PEX14: variants seen among roughly 807,000 people sequenced by gnomAD.
PEX14 encodes the protein peroxisomal membrane protein PEX14.
Under a neutral mutation model 49.5 loss-of-function variants are expected in PEX14, and 15 were observed. The observed-to-expected ratio is 0.30, with a 90% CI of 0.20 to 0.47. PEX14 has a LOEUF of 0.47. PEX14 is among the 20% of genes least tolerant of loss of function. The pLI, the probability that PEX14 is intolerant of heterozygous loss-of-function variation, is 1.00. For synonymous variants in PEX14, 210 were observed against 212.7 expected (o/e 0.99, Z 0.11); for missense variants, 398 against 494.8 (o/e 0.80, Z 1.86).
chr1:10,618,218 ACTTGCC>A (rs1557432796), intron 4 of PEX14, 108 bp from the exon 5 acceptor site: 2 of 760,730 alleles, frequency 2.6e-6, no homozygotes, highest in Non-Finnish European at 4.7e-6. Flanking sequence ...GGAGTGTTCC[ACTTGCC>A]CATTGTTGGA....
At chr1:10,483,315 G>A (rs1326129033) in intron 1 of PEX14, among the ~76,000 whole-genome samples, 1 of 151,848 alleles carries the variant, frequency 6.6e-6, no homozygotes, top group Non-Finnish European at 1.5e-5. Context: ...ACATGGCCAA[G>A]TTTTTCTTTT....
chr1:10,552,684 G>A (rs901003782), intron 3 of PEX14, among the ~76,000 whole-genome samples: 3 of 152,154 alleles, frequency 2.0e-5, no homozygotes, highest in Admixed American at 2.0e-4. Flanking sequence ...GTTTAGTGGG[G>A]TTCCATGATA....
At chr1:10,559,944 GT>G (rs1188864075) in intron 3 of PEX14, among the ~76,000 whole-genome samples, 2 of 152,142 alleles carry the variant, frequency 1.3e-5, no homozygotes, top group Non-Finnish European at 2.9e-5. Context: ...TAAGATTCCA[GT>G]TCTGCTTTCG....
intron 2 of PEX14, among the ~76,000 whole-genome samples, chr1:10,497,658 C>T (rs1641593835): frequency 6.6e-6 from 1 of 152,108 alleles, no homozygotes; most frequent in South Asian, 2.1e-4. Context: ...AGAAGAGAGC[C>T]CCAAGTTATT....
intron 4 of PEX14, among the ~76,000 whole-genome samples, chr1:10,608,990 A>G (rs543517344): frequency 4.6e-5 from 7 of 152,322 alleles, no homozygotes; most frequent in Non-Finnish European, 7.3e-5. Context: ...TTTTCTGGAC[A>G]TTTCAGGTAA....
At chr1:10,595,855 C>T (rs976154617) in intron 3 of PEX14, among the ~76,000 whole-genome samples, 8 of 25,086 alleles carry the variant, frequency 3.2e-4, no homozygotes, top group Non-Finnish European at 5.3e-4. Context: ...TGGTAAACAA[C>T]GCAAAGAAGA....
At position 10,510,504 on chromosome 1, in the gene PEX14, C is replaced by T. The variant is rs72869159; in HGVS notation, c.84+15183C>T. On this transcript the variant is annotated intron_variant, in intron 2 of 8. Coordinates refer to ENST00000356607, the MANE Select transcript of PEX14 (RefSeq NM_004565.3). ...CTCTGGCATGGAGAAGGAAAAGTCC[C>T]ATTTCCTGCTAGGCTGCCAGGCACT... Among the ~76,000 whole-genome samples, 1,132 of 152,306 alleles carry T rather than the reference C, an allele frequency of 7.4e-3. 15 individuals carry two copies. The highest frequency in any genetic ancestry group is 0.026 in the African/African-American group (1,067 of 41,548).
rs148640101 is a variant in PEX14, at chr1:10,622,596, G to A, written c.385-423G>A. The stretch of plus-strand genomic sequence containing the variant: ...TGTTCACAATTCAGGAGAACATGCC[G>A]GGAAGAGCTGCCCCGCCTCCCTCGC... On this transcript the variant is annotated intron_variant, in intron 5 of 8. Transcript: ENST00000356607. Among the ~76,000 whole-genome samples, 258 of 152,294 alleles carry A rather than the reference G, an allele frequency of 1.7e-3. 2 individuals are homozygous for A. Among genetic ancestry groups the A allele is most frequent in the African/African-American group, 5.6e-3 (232 of 41,562 alleles).
At chr1:10,608,458 T>G (rs1241679052) in intron 4 of PEX14, among the ~76,000 whole-genome samples, 1 of 152,264 alleles carries the variant, frequency 6.6e-6, no homozygotes, top group African/African-American at 2.4e-5. Context: ...GCTCAGGAGT[T>G]CGAGACCAGC....
intron 3 of PEX14, among the ~76,000 whole-genome samples, chr1:10,543,307 GT>G (rs1401292967): frequency 4.0e-5 from 6 of 151,884 alleles, no homozygotes; most frequent in Non-Finnish European, 8.8e-5. Context: ...GCTAATTTTT[GT>G]AGTTTTTGGT....
chr1:10,579,961 T>C (rs1427166078), intron 3 of PEX14, among the ~76,000 whole-genome samples: 1 of 151,998 alleles, frequency 6.6e-6, no homozygotes, highest in Non-Finnish European at 1.5e-5. Context: ...CTACTCAAGA[T>C]GGAGTTGTTC....
At chr1:10,585,606 C>T (rs1286292512) in intron 3 of PEX14, among the ~76,000 whole-genome samples, 1 of 152,154 alleles carries the variant, frequency 6.6e-6, no homozygotes, top group Non-Finnish European at 1.5e-5. Context: ...GTAGTAATAC[C>T]AGACAAGGTG....
rs549202622 is a variant in PEX14 at position 10,495,623 on chromosome 1, G to C, written c.84+302G>C. Among the ~76,000 whole-genome samples the C allele has an allele frequency of 6.6e-6, 1 of 152,330 alleles. No homozygotes were observed. Among genetic ancestry groups the C allele is most frequent in the South Asian group, 2.1e-4 (1 of 4,824 alleles). On this transcript the variant is annotated intron_variant, in intron 2 of 8. Transcript: ENST00000356607. The surrounding 1 kb of genome is among the most constrained non-coding windows in gnomAD (Gnocchi z 4.2). ...GAGATTCCTGCGCCCGTGGGAGGCT[G>C]AGGTGGAGTGAGGTGGCTGGGCTTC...
At chr1:10,622,379 A>G (rs1157315255) in intron 5 of PEX14, among the ~76,000 whole-genome samples, 1 of 152,164 alleles carries the variant, frequency 6.6e-6, no homozygotes, top group East Asian at 1.9e-4. Context: ...TGTTCTGAGG[A>G]TTCAGGCTTC....
intron 7 of PEX14, 135 bp downstream of exon 7, chr1:10,624,572 G>A (rs1641691729): frequency 1.4e-6 from 1 of 702,336 alleles, no homozygotes; most frequent in Admixed American, 2.0e-5. Flanking sequence ...ACACAGCCGT[G>A]GCCGATGCTG....
At chr1:10,584,588 G>A (rs557910572) in intron 3 of PEX14, among the ~76,000 whole-genome samples, 19 of 152,286 alleles carry the variant, frequency 1.2e-4, no homozygotes, top group South Asian at 1.2e-3. Context: ...ATAATAAAGC[G>A]AGTGTGATGA....
intron 2 of PEX14, among the ~76,000 whole-genome samples, chr1:10,526,003 C>A (rs950307101): frequency 4.0e-5 from 6 of 149,880 alleles, no homozygotes; most frequent in African/African-American, 7.4e-5. Flanking sequence ...CTCACTGCAA[C>A]CTCTGTCTCC....
chr1:10,620,911 G>T (rs1244639734), intron 5 of PEX14, among the ~76,000 whole-genome samples: 1 of 152,214 alleles, frequency 6.6e-6, no homozygotes, highest in Non-Finnish European at 1.5e-5. Flanking sequence ...GCACCAAGAA[G>T]AATGTGACAC....
At position 10,510,693 on chromosome 1, in the gene PEX14, C is replaced by T. The variant is rs149711178; in HGVS notation, c.84+15372C>T. On this transcript the variant is annotated intron_variant, in intron 2 of 8. Transcript: ENST00000356607. ...TGCTCAGCTCCTGGCAGAAAATAGGCACTCATACATATTTGTGGAATGAGT... is the reference window on the plus strand; with the variant it reads ...TGCTCAGCTCCTGGCAGAAAATAGGTACTCATACATATTTGTGGAATGAGT... Among the ~76,000 whole-genome samples the T allele has an allele frequency of 9.6e-4, 146 of 152,284 alleles. 1 individual carries two copies. The highest frequency in any genetic ancestry group is 3.4e-3 in the African/African-American group (140 of 41,566).
Sources: allele counts gnomAD v4.1 joint callset (sites outside exome capture counted in the v4.1 genomes callset), GRCh38; gene constraint gnomAD v4.1.1; non-coding constraint Gnocchi (gnomAD v3.1); transcripts MANE v1.5; gene names NCBI Gene and HGNC (gene_info 2026-07-23, HGNC 2026-07-21).